Variants in JAKMIP1 observed in about 807,000 individuals in gnomAD.
The protein encoded by JAKMIP1 is janus kinase and microtubule-interacting protein 1.
In JAKMIP1, 33 loss-of-function variants were observed where a neutral mutation model predicts 113.0. The ratio of observed to expected loss-of-function variants is 0.29; its 90% confidence interval spans 0.22 to 0.39. The LOEUF (loss-of-function observed/expected upper bound fraction) is 0.39. JAKMIP1 is among the 10% of genes least tolerant of loss of function. JAKMIP1 has a pLI of 1.00. For missense variants in JAKMIP1, 813 were observed against 1,080.5 expected, an observed-to-expected ratio of 0.75 and a Z score of 3.47; for synonymous variants, 480 against 459.9, an observed-to-expected ratio of 1.04 and a Z score of -0.56.
At chr4:6,112,482 G>C (rs1715091273) in intron 2 of JAKMIP1, among the ~76,000 whole-genome samples, 3 of 152,198 alleles carry the variant, frequency 2.0e-5, no homozygotes, top group Admixed American at 6.5e-5. Context: ...TTGCAGGTAA[G>C]AGAAATCAAA....
rs1308866832 is a variant in JAKMIP1 at position 6,142,790 on chromosome 4, T to A, written c.-147-29793A>T. On this transcript the variant is annotated intron_variant, in intron 1 of 20. Transcript: ENST00000409021. The surrounding 1 kb of genome is among the most constrained non-coding windows in gnomAD (Gnocchi z 5.5). Reference sequence around the variant, plus strand: ...AAGGCAGAGCTGGTTATGTGGCAGATCCTCCCAGGGGTACAAATGGCATCA... The same window carrying A: ...AAGGCAGAGCTGGTTATGTGGCAGAACCTCCCAGGGGTACAAATGGCATCA... Among the ~76,000 whole-genome samples the A allele has an allele frequency of 1.3e-5, 2 of 152,102 alleles. No individual in the cohort carries two copies. The highest frequency in any genetic ancestry group is 2.9e-5 in the Non-Finnish European group (2 of 68,022).
intron 3 of JAKMIP1, among the ~76,000 whole-genome samples, chr4:6,105,246 G>A (rs1275905878): frequency 6.6e-6 from 1 of 152,206 alleles, no homozygotes; most frequent in African/African-American, 2.4e-5. Flanking sequence ...AACAACCCTC[G>A]CTAGTCTCCA....
In JAKMIP1 at chr4:6,135,393, A is replaced by C. The variant is rs750816198; in HGVS notation, c.-147-22396T>G. 3.7e-4 allele frequency among the ~76,000 whole-genome samples: 56 copies of C among 152,204 alleles called. No homozygotes were observed. Among genetic ancestry groups the C allele is most frequent in the Non-Finnish European group, 7.4e-4 (50 of 68,008 alleles). ...GCCAAGGAGAGAGGCTTCGGAAGAA[A>C]CCAACCCTGGTGGCAGCTTGATCTC... On this transcript the variant is annotated intron_variant, in intron 1 of 20. Coordinates refer to ENST00000409021, the MANE Select transcript of JAKMIP1 (RefSeq NM_001099433.2). This position sits in a 1 kb window ranked among gnomAD's most constrained non-coding sequence, Gnocchi z 4.9.
At chr4:6,131,659 G>C (rs1230361492) in intron 1 of JAKMIP1, among the ~76,000 whole-genome samples, 1 of 152,198 alleles carries the variant, frequency 6.6e-6, no homozygotes, top group South Asian at 2.1e-4. Context: ...GAACCCAGGG[G>C]ACAGGGGTTA....
chr4:6,111,076 G>A (rs1341769982), intron 2 of JAKMIP1, among the ~76,000 whole-genome samples: 2 of 151,948 alleles, frequency 1.3e-5, no homozygotes, highest in Non-Finnish European at 2.9e-5. Flanking sequence ...CCAGTCCCCT[G>A]GTCCAGAACT....
intron 2 of JAKMIP1, among the ~76,000 whole-genome samples, chr4:6,109,348 T>C (rs1001288959): frequency 6.6e-6 from 1 of 151,868 alleles, no homozygotes; most frequent in Non-Finnish European, 1.5e-5. Flanking sequence ...TTAGCCAGGA[T>C]GGTCTCGATC....
chr4:6,028,344 C>T (rs981058435), intron 20 of JAKMIP1, among the ~76,000 whole-genome samples: 3 of 152,258 alleles, frequency 2.0e-5, no homozygotes, highest in African/African-American at 7.2e-5. Flanking sequence ...AGGGAACTGG[C>T]AGGCAAGCCC....
chr4:6,198,882 C>A (rs1361173380), intron 1 of JAKMIP1, among the ~76,000 whole-genome samples: 2 of 152,232 alleles, frequency 1.3e-5, no homozygotes, highest in East Asian at 3.8e-4. Context: ...TCCACACCAG[C>A]GGGTTACTCT....
intron 1 of JAKMIP1, among the ~76,000 whole-genome samples, chr4:6,128,574 A>G (rs1191525306): frequency 6.6e-6 from 1 of 152,138 alleles, no homozygotes; most frequent in African/African-American, 2.4e-5. Context: ...AAAAAAAATG[A>G]ACGGATCCAT....
In JAKMIP1 at chr4:6,088,948, A is replaced by G. The variant is rs1421291579; in HGVS notation, c.625-3319T>C. ...CTGCAAGTTCCCAGGGCAGTCCCCA[A>G]TTGGCTCATGCCACCCAAATGTCCC... On this transcript the variant is annotated intron_variant, in intron 3 of 20. Coordinates refer to ENST00000409021, the MANE Select transcript of JAKMIP1 (RefSeq NM_001099433.2). The surrounding 1 kb of genome is among the most constrained non-coding windows in gnomAD (Gnocchi z 5.5). 6.6e-6 allele frequency among the ~76,000 whole-genome samples: 1 copy of G among 152,178 alleles called. No homozygotes were observed. The highest frequency in any genetic ancestry group is 1.5e-5 in the Non-Finnish European group (1 of 68,032).
chr4:6,160,427 G>T (rs1184738179), intron 1 of JAKMIP1, among the ~76,000 whole-genome samples: 2 of 152,166 alleles, frequency 1.3e-5, no homozygotes, highest in Non-Finnish European at 2.9e-5. Context: ...GGAAAGAGAA[G>T]AAAATGTGAT....
At chr4:6,127,859 C>T (rs975525454) in intron 1 of JAKMIP1, among the ~76,000 whole-genome samples, 11 of 152,224 alleles carry the variant, frequency 7.2e-5, no homozygotes, top group African/African-American at 2.7e-4. Flanking sequence ...AACTGACGCC[C>T]GTCTAACCTC....
Position 6,106,057 on chromosome 4 carries a change from C to T in JAKMIP1, c.130-90G>A. 1 of 861,644 alleles carries T rather than the reference C, an allele frequency of 1.2e-6. No homozygotes were observed. The highest frequency in any genetic ancestry group is 1.8e-6 in the Non-Finnish European group (1 of 567,828). The allele number at this position is 861,644 out of a possible 1,614,324, so 53.4% of individuals were successfully genotyped here. On this transcript the variant is annotated intron_variant, in intron 2 of 20. Transcript: ENST00000409021. This position sits in a 1 kb window ranked among gnomAD's most constrained non-coding sequence, Gnocchi z 5.9. ...CACAGCTGGGGGAGCTGGCCACAGC[C>T]TCCCCACGCCCAAGACACCCACCTG... is the stretch of plus-strand genomic sequence containing the variant.
rs566443417 is a variant in JAKMIP1 at position 6,080,102 on chromosome 4, C to T, written c.1242+70G>A. On this transcript the variant is annotated intron_variant, in intron 7 of 20. Transcript: ENST00000409021. This position sits in a 1 kb window ranked among gnomAD's most constrained non-coding sequence, Gnocchi z 6.0. ...CAGCATCACCCTGAGCCCCAACACC[C>T]GTTCCTGACACCCATGTCAGCTGGT... is the stretch of plus-strand genomic sequence containing the variant. 1.1e-4 allele frequency: 163 copies of T among 1,499,628 alleles called. No individual in the cohort carries two copies. Among genetic ancestry groups the T allele is most frequent in the African/African-American group, 5.4e-4 (39 of 72,432 alleles). 92.9% of individuals were successfully genotyped at this position (1,499,628 alleles called of 1,614,324 possible). A position where few individuals can be genotyped will look rare whatever the true frequency, so the allele number is the denominator to read the frequency against.
At chr4:6,098,981 AATTC>A (rs533296345) in intron 3 of JAKMIP1, among the ~76,000 whole-genome samples, 158 of 152,292 alleles carry the variant, frequency 1.0e-3, no homozygotes, top group African/African-American at 3.7e-3. Flanking sequence ...ACGGCTGGGA[AATTC>A]ATTCATTTTC....
chr4:6,096,820 T>C (rs1711864584), intron 3 of JAKMIP1, among the ~76,000 whole-genome samples: 1 of 152,242 alleles, frequency 6.6e-6, no homozygotes, highest in African/African-American at 2.4e-5. Context: ...ATGAAATCCA[T>C]TTATGTTTCA....
rs200417679 is a variant in JAKMIP1 at position 6,080,690 on chromosome 4, C to T, written c.1102-378G>A. ...TTAGCTTTCTGCCATGATTGTGAGG[C>T]CTCCCCAGCCACGTGAAACTGTGAG... On this transcript the variant is annotated intron_variant, in intron 6 of 20. Transcript: ENST00000409021. This position sits in a 1 kb window ranked among gnomAD's most constrained non-coding sequence, Gnocchi z 6.0. 9.2e-5 allele frequency among the ~76,000 whole-genome samples: 14 copies of T among 152,252 alleles called. No individual in the cohort carries two copies. The East Asian group carries it at 2.5e-3, about 27-fold the overall frequency.
rs902956041 is a variant in JAKMIP1 at position 6,031,407 on chromosome 4, A to G, written c.2380-1626T>C. Among the ~76,000 whole-genome samples, 1 of 151,936 alleles carries G rather than the reference A, an allele frequency of 6.6e-6. No individual in the cohort carries two copies. The highest frequency in any genetic ancestry group is 2.4e-5 in the African/African-American group (1 of 41,356). On this transcript the variant is annotated intron_variant, in intron 19 of 20. Transcript: ENST00000409021. This position sits in a 1 kb window ranked among gnomAD's most constrained non-coding sequence, Gnocchi z 4.4. ...ACTCCAGCCTGGGTGACACAGAGAG[A>G]CTCCATCTCAATAAATAAATAAAGA...
rs1719730586 is a variant in JAKMIP1, at chr4:6,076,612, ACCCATAGATATATTT to A, written c.1302+2312_1302+2326del. On this transcript the variant is annotated intron_variant, in intron 8 of 20. Transcript: ENST00000409021. This position sits in a 1 kb window ranked among gnomAD's most constrained non-coding sequence, Gnocchi z 4.8. ...GGAGGCAGCCTGGGAGCCAAATTGC[ACCCATAGATATATTT>A]TATGTGGCCCACAGGTATATATTTT... Among the ~76,000 whole-genome samples the A allele has an allele frequency of 6.6e-6, 1 of 152,124 alleles. No individual in the cohort carries two copies. Among genetic ancestry groups the A allele is most frequent in the Non-Finnish European group, 1.5e-5 (1 of 68,014 alleles).
Sources: gnomAD v4.1 joint callset for allele counts (sites outside exome capture counted in the v4.1 genomes callset) on GRCh38, gnomAD v4.1.1 for gene constraint, Gnocchi (gnomAD v3.1) non-coding constraint, MANE v1.5 for transcripts, NCBI Gene and HGNC (gene_info 2026-07-23, HGNC 2026-07-21) for gene names.